Variants in SNTG2 observed in about 807,000 individuals in gnomAD.
SNTG2 encodes syntrophin gamma 2.
Under a neutral mutation model 70.9 loss-of-function variants are expected in SNTG2, and 74 were observed. That is an observed-to-expected ratio of 1.04 (90% CI 0.86 to 1.27). The LOEUF (loss-of-function observed/expected upper bound fraction) is 1.27. SNTG2 is among the 50% of genes most tolerant of loss of function. The pLI is 0.00. For synonymous variants in SNTG2, 278 were observed against 273.8 expected (o/e 1.02, Z -0.15); for missense variants, 717 against 690.7 (o/e 1.04, Z -0.43).
intron 2 of SNTG2, among the ~76,000 whole-genome samples, chr2:1,094,185 C>A (rs111227597): frequency 1.4e-4 from 17 of 118,314 alleles, no homozygotes; most frequent in East Asian, 5.8e-4. Flanking sequence ...AGCTTCCTGG[C>A]CTGCAGGCAA....
chr2:1,293,935 C>T lies in SNTG2; in HGVS notation c.1285-14559C>T, dbSNP rs538862962. ...CGAAACTGGAACCCAGAACAGTCCT[C>T]TAAGCCTGTGGACTAAGAACATTCA... On this transcript the variant is annotated intron_variant, in intron 14 of 16. Transcript: ENST00000308624. 3.5e-4 allele frequency among the ~76,000 whole-genome samples: 54 copies of T among 152,296 alleles called. No individual in the cohort carries two copies. The South Asian group carries it at 6.0e-3, about 17-fold the overall frequency.
chr2:1,360,591 T>C (rs564812685), intron 16 of SNTG2, among the ~76,000 whole-genome samples: 19 of 152,274 alleles, frequency 1.2e-4, no homozygotes, highest in Admixed American at 3.9e-4. Context: ...CTTATATTTG[T>C]GTGACTAAAA....
intron 1 of SNTG2, among the ~76,000 whole-genome samples, chr2:1,063,179 C>CT (rs950907160): frequency 7.9e-5 from 12 of 152,160 alleles, no homozygotes; most frequent in African/African-American, 1.7e-4. Flanking sequence ...AAGAAGCATA[C>CT]TTTTTTTTAA....
chr2:1,332,156 T>C (rs996372223), intron 16 of SNTG2, among the ~76,000 whole-genome samples: 2 of 152,260 alleles, frequency 1.3e-5, no homozygotes, highest in Non-Finnish European at 2.9e-5. Context: ...AAATTTACTA[T>C]GTCCAAAGGT....
intron 1 of SNTG2, among the ~76,000 whole-genome samples, chr2:1,035,445 CTT>C (rs1661078148): frequency 6.6e-6 from 1 of 152,154 alleles, no homozygotes; most frequent in African/African-American, 2.4e-5. Flanking sequence ...TTATCTGAAT[CTT>C]TTGTACCGCT....
chr2:1,323,289 A>C (rs533301913), intron 16 of SNTG2, among the ~76,000 whole-genome samples: 1 of 152,360 alleles, frequency 6.6e-6, no homozygotes, highest in African/African-American at 2.4e-5. Flanking sequence ...TGCAACAAGA[A>C]GTAGCAGAAG....
intron 8 of SNTG2, among the ~76,000 whole-genome samples, chr2:1,182,640 C>T (rs1218378005): frequency 2.6e-5 from 4 of 152,198 alleles, no homozygotes; most frequent in Non-Finnish European, 5.9e-5. Context: ...AAGGTGCCTG[C>T]AGTGAAGTAG....
At chr2:1,346,939 A>G (rs1026356808) in intron 16 of SNTG2, among the ~76,000 whole-genome samples, 3 of 152,172 alleles carry the variant, frequency 2.0e-5, no homozygotes, top group Admixed American at 6.5e-5. Flanking sequence ...AGATGAAGTC[A>G]TCTGCATCCA....
chr2:1,348,775 C>G (rs944363003), intron 16 of SNTG2, among the ~76,000 whole-genome samples: 4 of 152,186 alleles, frequency 2.6e-5, no homozygotes, highest in Admixed American at 2.0e-4. Flanking sequence ...TAAATTTCTT[C>G]AAATATTTTA....
intron 8 of SNTG2, among the ~76,000 whole-genome samples, chr2:1,176,842 G>A (rs1020453185): frequency 7.2e-5 from 11 of 152,044 alleles, no homozygotes; most frequent in South Asian, 2.1e-4. Context: ...AGATGATGTC[G>A]AGGTTGCAGA....
chr2:1,250,491 G>C (rs1677689154), intron 12 of SNTG2, among the ~76,000 whole-genome samples: 1 of 151,446 alleles, frequency 6.6e-6, no homozygotes, highest in Non-Finnish European at 1.5e-5. Context: ...CTCTTCCTCT[G>C]TCTGACTCAT....
intron 9 of SNTG2, among the ~76,000 whole-genome samples, chr2:1,237,124 G>C (rs914079845): frequency 6.6e-6 from 1 of 151,618 alleles, no homozygotes; most frequent in Non-Finnish European, 1.5e-5. Flanking sequence ...TGTATTTTTC[G>C]TAGAGATGGG....
At chr2:1,079,661 C>T (rs1035842246) in intron 1 of SNTG2, among the ~76,000 whole-genome samples, 1 of 152,002 alleles carries the variant, frequency 6.6e-6, no homozygotes, top group Non-Finnish European at 1.5e-5. Flanking sequence ...CCCGTGTCCT[C>T]GGTCATGGAA....
At chr2:977,092 A>AT (rs1660929865) in intron 1 of SNTG2, among the ~76,000 whole-genome samples, 1 of 152,182 alleles carries the variant, frequency 6.6e-6, no homozygotes, top group South Asian at 2.1e-4. Flanking sequence ...CTGTTAATGT[A>AT]GGTGATCCAG....
At chr2:1,211,461 G>A (rs1433531047) in intron 9 of SNTG2, among the ~76,000 whole-genome samples, 1 of 152,160 alleles carries the variant, frequency 6.6e-6, no homozygotes, top group African/African-American at 2.4e-5. Context: ...CTGAGGACAG[G>A]ATAGGGTCTC....
chr2:1,228,712 A>G (rs968510693), intron 9 of SNTG2, among the ~76,000 whole-genome samples: 1 of 151,962 alleles, frequency 6.6e-6, no homozygotes, highest in Non-Finnish European at 1.5e-5. Context: ...AGTCCAGATA[A>G]TTTTCACTCT....
intron 1 of SNTG2, among the ~76,000 whole-genome samples, chr2:1,036,886 G>A (rs1661160415): frequency 6.6e-6 from 1 of 152,296 alleles, no homozygotes; most frequent in Non-Finnish European, 1.5e-5. Flanking sequence ...TTATTAGCCT[G>A]GTGAGAACAG....
At chr2:1,142,472 G>C (rs4625942) in intron 6 of SNTG2, among the ~76,000 whole-genome samples, 91,625 of 151,960 alleles carry the variant, frequency 0.6, 28,084 homozygotes, top group East Asian at 0.92. Flanking sequence ...TCCTGGGATG[G>C]TGGAGCCTTC....
chr2:1,330,588 A>C (rs1301329652), intron 16 of SNTG2, among the ~76,000 whole-genome samples: 2 of 152,206 alleles, frequency 1.3e-5, no homozygotes, highest in African/African-American at 4.8e-5. Flanking sequence ...TAAATCTCTT[A>C]TTATCAGATT....
Sources: allele counts gnomAD v4.1 joint callset (sites outside exome capture counted in the v4.1 genomes callset), GRCh38; gene constraint gnomAD v4.1.1; transcripts MANE v1.5; gene names NCBI Gene and HGNC (gene_info 2026-07-23, HGNC 2026-07-21).